BCL2L11: variants seen among roughly 807,000 people sequenced by gnomAD.
The protein encoded by BCL2L11 is BCL2 like 11.
A neutral mutation model predicts 20.6 loss-of-function variants in BCL2L11; 15 were observed. That is an observed-to-expected ratio of 0.73 (90% confidence interval 0.49 to 1.12). The LOEUF (loss-of-function observed/expected upper bound fraction) is 1.12. Ranked by LOEUF, BCL2L11 falls within the 50% of genes most tolerant of loss-of-function variation. BCL2L11 has a pLI of 0.00. For missense variants in BCL2L11, 292 were observed against 260.9 expected (o/e 1.12, Z -0.82); for synonymous variants, 108 against 92.8 (o/e 1.16, Z -0.94).
intron 2 of BCL2L11, among the ~76,000 whole-genome samples, chr2:111,134,436 C>T (rs2074495829): frequency 2.0e-5 from 3 of 152,064 alleles, no homozygotes; most frequent in South Asian, 4.1e-4. Flanking sequence ...AGAGTAGAAA[C>T]CTTACTTTTC....
chr2:111,122,033 C>T (rs1011808984), intron 1 of BCL2L11, among the ~76,000 whole-genome samples: 3 of 152,198 alleles, frequency 2.0e-5, no homozygotes, highest in African/African-American at 7.2e-5. Flanking sequence ...TGGTGGAGGG[C>T]CCGACGGACG....
chr2:111,147,217 C>T (rs868045329), intron 2 of BCL2L11, among the ~76,000 whole-genome samples: 1 of 152,250 alleles, frequency 6.6e-6, no homozygotes, highest in African/African-American at 2.4e-5. Flanking sequence ...AGACACATCT[C>T]AGGGCTCCAG....
chr2:111,159,589 A>G (rs1042293948), intron 3 of BCL2L11, among the ~76,000 whole-genome samples: 12 of 152,106 alleles, frequency 7.9e-5, no homozygotes, highest in African/African-American at 2.7e-4. Context: ...CAGGGCCTCT[A>G]TTGTTTTCCA....
chr2:111,139,862 G>A (rs2075528924), intron 2 of BCL2L11, among the ~76,000 whole-genome samples: 1 of 152,222 alleles, frequency 6.6e-6, no homozygotes, highest in African/African-American at 2.4e-5. Flanking sequence ...GAGTAGAGTT[G>A]CCAAGACAGG....
At chr2:111,141,357 C>G (rs1372977235) in intron 2 of BCL2L11, among the ~76,000 whole-genome samples, 2 of 151,536 alleles carry the variant, frequency 1.3e-5, no homozygotes, top group South Asian at 2.1e-4. Flanking sequence ...AGTTCATGTC[C>G]TTTGTAGGGA....
At chr2:111,163,291 A>G (rs1330214183) in intron 3 of BCL2L11, 1 of 152,218 alleles carries the variant, frequency 6.6e-6, no homozygotes, top group Admixed American at 6.5e-5. Flanking sequence ...TCCAGGGCAG[A>G]TTTCAGACTT....
chr2:111,131,253 G>A (rs1477375976), intron 2 of BCL2L11: 6 of 148,910 alleles, frequency 4.0e-5, no homozygotes, highest in Admixed American at 1.3e-4. Flanking sequence ...GGGGGCGGGC[G>A]GGCATTTAGA....
At chr2:111,122,812 G>A (rs2150127844) in intron 1 of BCL2L11, 3 of 985,384 alleles carry the variant, frequency 3.0e-6, no homozygotes, top group Non-Finnish European at 3.6e-6. Context: ...TGTCTCCTGC[G>A]CTGCTTTCGT....
intron 1 of BCL2L11, chr2:111,123,238 C>G (rs1466466892): frequency 2.0e-6 from 2 of 985,366 alleles, no homozygotes; most frequent in African/African-American, 3.5e-5. Flanking sequence ...GACTGACGGC[C>G]GCTGCCAGAC....
chr2:111,150,092 T>C lies in BCL2L11; in HGVS notation c.443T>C (p.Ile148Thr), dbSNP rs1279964032. ...EPADMRPEIW[I>T]AQELRRIGDE... ...GCAGATATGCGCCCAGAGATATGGA[T>C]CGCCCAAGAGTTGCGGCGTATTGGA... Residue 148 changes from isoleucine (I) to threonine (T), a missense_variant, in exon 3 of 4, where the codon ATC becomes ACC. Ile to Thr is a moderately conservative substitution (Grantham distance 89). Coordinates refer to ENST00000393256, the MANE Select transcript of BCL2L11 (RefSeq NM_138621.5). The C allele has an allele frequency of 6.2e-7, 1 of 1,613,938 alleles. No individual in the cohort carries two copies. The highest frequency in any genetic ancestry group is 8.5e-7 in the Non-Finnish European group (1 of 1,179,950).
intron 2 of BCL2L11, among the ~76,000 whole-genome samples, chr2:111,138,008 CTTTCTTTTTTTT>C (rs1301803102): frequency 7.4e-6 from 1 of 134,632 alleles, no homozygotes; most frequent in Non-Finnish European, 1.6e-5. Flanking sequence ...TTCTTTCTTT[CTTTCTTTTTTTT>C]TTTTTTTTGA....
intron 3 of BCL2L11, chr2:111,161,614 C>G: frequency 1.3e-6 from 2 of 1,481,504 alleles, no homozygotes; most frequent in Non-Finnish European, 1.8e-6. Context: ...ATGACAGCTC[C>G]TGGCTCAGTC....
At chr2:111,137,236 T>A (rs775686595) in intron 2 of BCL2L11, among the ~76,000 whole-genome samples, 1 of 152,234 alleles carries the variant, frequency 6.6e-6, no homozygotes, top group Non-Finnish European at 1.5e-5. Context: ...CCATTAAATC[T>A]GATCATTGGC....
intron 1 of BCL2L11, among the ~76,000 whole-genome samples, chr2:111,121,710 T>G (rs1323313245): frequency 2.0e-5 from 3 of 152,210 alleles, no homozygotes; most frequent in Non-Finnish European, 4.4e-5. Flanking sequence ...CGGCTTTTCC[T>G]TTTACTCATT....
At chr2:111,154,312 T>C (rs370602174) in intron 3 of BCL2L11, among the ~76,000 whole-genome samples, 1 of 151,624 alleles carries the variant, frequency 6.6e-6, no homozygotes, top group Non-Finnish European at 1.5e-5. Flanking sequence ...TCTATGGACC[T>C]TATTCAGATT....
intron 3 of BCL2L11, chr2:111,161,581 G>A: frequency 2.0e-6 from 3 of 1,519,050 alleles, no homozygotes; most frequent in Admixed American, 2.0e-5. Context: ...CATGTTAGAT[G>A]CGAGGAACCA....
rs1395453550 is a variant in BCL2L11 at position 111,167,598 on chromosome 2, T to C, written c.*3367T>C. The C allele has an allele frequency of 6.6e-6, 1 of 152,256 alleles. No homozygotes were observed. Among genetic ancestry groups the C allele is most frequent in the African/African-American group, 2.4e-5 (1 of 41,458 alleles). 9.4% of individuals were successfully genotyped at this position (152,256 alleles called of 1,614,324 possible). A position where few individuals can be genotyped will look rare whatever the true frequency, so the allele number is the denominator to read the frequency against. On this transcript the variant is annotated 3_prime_UTR_variant, in exon 4 of 4. Coordinates refer to ENST00000393256, the MANE Select transcript of BCL2L11 (RefSeq NM_138621.5). ...GTGCTGCATTGCAGTTGTTCAGGGC[T>C]AGGGCCAGGCAGGACAAGTGAATGG...
intron 3 of BCL2L11, among the ~76,000 whole-genome samples, chr2:111,156,461 G>A (rs1243252545): frequency 6.6e-6 from 1 of 152,164 alleles, no homozygotes; most frequent in African/African-American, 2.4e-5. Flanking sequence ...AAAGCTGGAG[G>A]AGGCAGCTCA....
chr2:111,137,244 G>C (rs2075056879), intron 2 of BCL2L11, among the ~76,000 whole-genome samples: 1 of 152,044 alleles, frequency 6.6e-6, no homozygotes, highest in East Asian at 1.9e-4. Context: ...TCTGATCATT[G>C]GCCCAGTCTC....
Sources: gnomAD v4.1 joint callset for allele counts (sites outside exome capture counted in the v4.1 genomes callset) on GRCh38, gnomAD v4.1.1 for gene constraint, MANE v1.5 for transcripts, NCBI Gene and HGNC (gene_info 2026-07-23, HGNC 2026-07-21) for gene names.